The following DNAJB14 variants were observed in gnomAD, a reference collection of about 807,000 sequenced individuals.
The protein encoded by DNAJB14 is DnaJ heat shock protein family (Hsp40) member B14, also known as dnaJ homolog subfamily B member 14.
DNAJB14 carries 22 observed loss-of-function variants against 48.4 expected under a neutral mutation model. The ratio of observed to expected loss-of-function variants is 0.45; its 90% CI spans 0.32 to 0.65. The LOEUF is 0.65. Among genes scored for constraint, DNAJB14 ranks in the 30% least tolerant of loss-of-function variants. The pLI, the probability that DNAJB14 is intolerant of heterozygous loss-of-function variation, is 0.03. For synonymous variants in DNAJB14, 142 were observed against 158.7 expected, an observed-to-expected ratio of 0.89 and a Z score of 0.79; for missense variants, 319 against 458.8, an observed-to-expected ratio of 0.70 and a Z score of 2.78.
chr4:99,930,147 C>T (rs1726410192), intron 2 of DNAJB14: 1 of 198,030 alleles, frequency 5.0e-6, no homozygotes, highest in South Asian at 1.9e-4. Flanking sequence ...AACAATTCTT[C>T]ATCCTCTTTT....
chr4:99,896,677 T>G lies in DNAJB14; in HGVS notation c.*4351A>C, dbSNP rs1725154205. The G allele has an allele frequency of 6.6e-6, 1 of 152,220 alleles. No individual in the cohort carries two copies. Among genetic ancestry groups the G allele is most frequent in the Non-Finnish European group, 1.5e-5 (1 of 68,000 alleles). The allele number at this position is 152,220 out of a possible 1,614,324, so 9.4% of individuals were successfully genotyped here. On this transcript the variant is annotated 3_prime_UTR_variant, in exon 8 of 8. Coordinates refer to ENST00000442697, the MANE Select transcript of DNAJB14 (RefSeq NM_001031723.4). ...AAATATCATTTATGTGTGTTTCTTCTCATTGGTTTAATCATCCTATTAAAA... is the reference window on the plus strand; with the variant it reads ...AAATATCATTTATGTGTGTTTCTTCGCATTGGTTTAATCATCCTATTAAAA...
At position 99,903,871 on chromosome 4, in the gene DNAJB14, T is replaced by C. The variant is rs1725379352; in HGVS notation, c.870A>G (p.Gln290=). 1 of 1,612,368 alleles carries C rather than the reference T, an allele frequency of 6.2e-7. No individual in the cohort carries two copies. Among genetic ancestry groups the C allele is most frequent in the Non-Finnish European group, 8.5e-7 (1 of 1,179,218 alleles). The change falls in exon 7 of 8, where the codon CAA becomes CAG. Residue 290 remains glutamine (Q), a synonymous_variant. Transcript: ENST00000442697. ...AATAAACAACACCCAAGTTTTCTGT[T>C]TGCATTTTAATAGTTTGCCCAGTTC... ...RSGTGQTIKM[Q]TENLGVVYYV...
intron 1 of DNAJB14, among the ~76,000 whole-genome samples, chr4:99,937,275 C>G (rs1294454506): frequency 6.6e-6 from 1 of 151,922 alleles, no homozygotes; most frequent in Non-Finnish European, 1.5e-5. Flanking sequence ...CGAGATCGCG[C>G]CATACACTCC....
intron 1 of DNAJB14, among the ~76,000 whole-genome samples, chr4:99,938,569 T>G (rs1726774369): frequency 6.6e-6 from 1 of 151,560 alleles, no homozygotes. Flanking sequence ...TGTGTGTGTG[T>G]AGAAAGAGAA....
At chr4:99,904,685 A>G (rs1366080220) in intron 6 of DNAJB14, among the ~76,000 whole-genome samples, 9 of 152,254 alleles carry the variant, frequency 5.9e-5, no homozygotes, top group African/African-American at 2.2e-4. Context: ...CACATTGCCT[A>G]AAACCATGAT....
intron 1 of DNAJB14, among the ~76,000 whole-genome samples, chr4:99,938,341 T>C (rs566131978): frequency 4.1e-5 from 6 of 144,670 alleles, no homozygotes; most frequent in South Asian, 4.4e-4. Context: ...TGTGGACATG[T>C]GCTTTTTTTT....
intron 4 of DNAJB14, among the ~76,000 whole-genome samples, chr4:99,907,104 T>G (rs932459990): frequency 6.6e-6 from 1 of 152,192 alleles, no homozygotes; most frequent in Non-Finnish European, 1.5e-5. Flanking sequence ...TCAAGTTGTT[T>G]TCATATAAGA....
intron 1 of DNAJB14, among the ~76,000 whole-genome samples, chr4:99,944,928 C>T (rs1224357700): frequency 6.6e-6 from 1 of 152,110 alleles, no homozygotes; most frequent in Non-Finnish European, 1.5e-5. Context: ...ATAAATGAAA[C>T]TTGGGAACAT....
chr4:99,903,717 C>A lies in DNAJB14; in HGVS notation c.1015+9G>T. The A allele has an allele frequency of 6.2e-7, 1 of 1,603,528 alleles. No individual in the cohort carries two copies. The highest frequency in any genetic ancestry group is 2.2e-5 in the East Asian group (1 of 44,702). The stretch of plus-strand genomic sequence containing the variant: ...AAGTTTTAAAATGTTAAACACATGA[C>A]AAACTTACTTTGTTGTCTTTCTTTC... On this transcript the variant is annotated intron_variant, in intron 7 of 7. Transcript: ENST00000442697.
rs1164256327 is a variant in DNAJB14 at position 99,900,100 on chromosome 4, A to C, written c.*928T>G. Reference sequence around the variant, plus strand: ...TTTTCTTATTACTTATTTGTAAAGGAACTTCTTTGGATCCTGCTTAAATGA... The same window carrying C: ...TTTTCTTATTACTTATTTGTAAAGGCACTTCTTTGGATCCTGCTTAAATGA... On this transcript the variant is annotated 3_prime_UTR_variant, in exon 8 of 8. Transcript: ENST00000442697. 6.6e-6 allele frequency: 1 copy of C among 152,386 alleles called. No individual in the cohort carries two copies. The highest frequency in any genetic ancestry group is 2.4e-5 in the African/African-American group (1 of 41,436). 9.4% of individuals were successfully genotyped at this position (152,386 alleles called of 1,614,324 possible).
At chr4:99,928,827 T>C (rs1424002739) in intron 2 of DNAJB14, 1 of 154,690 alleles carries the variant, frequency 6.5e-6, no homozygotes, top group East Asian at 1.9e-4. Context: ...TTAAATCCTA[T>C]AAGCAAATAC....
At chr4:99,916,700 A>T (rs887301074) in intron 3 of DNAJB14, among the ~76,000 whole-genome samples, 2 of 152,174 alleles carry the variant, frequency 1.3e-5, no homozygotes, top group South Asian at 2.1e-4. Context: ...TGCTCTAGGT[A>T]TTATATATAC....
At chr4:99,922,881 T>C (rs1726111316) in intron 3 of DNAJB14, 159 bp downstream of exon 3, 1 of 753,712 alleles carries the variant, frequency 1.3e-6, no homozygotes, top group Non-Finnish European at 2.0e-6. Flanking sequence ...TGCCTTCGGG[T>C]ATAACCAGTT....
intron 6 of DNAJB14, among the ~76,000 whole-genome samples, chr4:99,904,583 T>C (rs950426970): frequency 1.3e-5 from 2 of 152,106 alleles, no homozygotes; most frequent in African/African-American, 4.8e-5. Flanking sequence ...TTACAAAATC[T>C]GAAAAAATCC....
At chr4:99,901,745 C>G (rs1472005856) in intron 7 of DNAJB14, among the ~76,000 whole-genome samples, 1 of 152,128 alleles carries the variant, frequency 6.6e-6, no homozygotes, top group Admixed American at 6.6e-5. Flanking sequence ...TAATGATATA[C>G]AGACTACAAA....
intron 1 of DNAJB14, among the ~76,000 whole-genome samples, chr4:99,933,526 G>A (rs1212590618): frequency 6.6e-6 from 1 of 151,804 alleles, no homozygotes; most frequent in Non-Finnish European, 1.5e-5. Context: ...TCAAACTCCT[G>A]ACTTCAAGTG....
rs1275492296 is a variant in DNAJB14 at position 99,896,596 on chromosome 4, C to A, written c.*4432G>T. 1 of 152,116 alleles carries A rather than the reference C, an allele frequency of 6.6e-6. No homozygotes were observed. Among genetic ancestry groups the A allele is most frequent in the African/African-American group, 2.4e-5 (1 of 41,428 alleles). 9.4% of individuals were successfully genotyped at this position (152,116 alleles called of 1,614,324 possible). On this transcript the variant is annotated 3_prime_UTR_variant, in exon 8 of 8. Coordinates refer to ENST00000442697, the MANE Select transcript of DNAJB14 (RefSeq NM_001031723.4). ...TGGAAAGAAAGTCTTATGTAGCAAT[C>A]CAAAAACTAAAACTAGAAATTGGCA... is the stretch of plus-strand genomic sequence containing the variant.
chr4:99,923,198 G>A lies in DNAJB14; in HGVS notation c.306-13C>T, dbSNP rs376649003. On this transcript the variant is annotated splice_polypyrimidine_tract_variant and intron_variant, in intron 2 of 7. Coordinates refer to ENST00000442697, the MANE Select transcript of DNAJB14 (RefSeq NM_001031723.4). ...ACATTTGTTTATGCTGTGAACAAGA[G>A]AGTGTGTTATAATGTAAATTTCAAG... The A allele has an allele frequency of 3.2e-5, 51 of 1,601,122 alleles. No homozygotes were observed. Among genetic ancestry groups the A allele is most frequent in the Non-Finnish European group, 4.2e-5 (49 of 1,174,292 alleles).
chr4:99,907,258 A>G (rs1178538530), intron 4 of DNAJB14, among the ~76,000 whole-genome samples: 1 of 152,198 alleles, frequency 6.6e-6, no homozygotes, highest in Non-Finnish European at 1.5e-5. Context: ...TACTAGTTTT[A>G]ATAATTTTTC....
Sources: allele counts gnomAD v4.1 joint callset (sites outside exome capture counted in the v4.1 genomes callset), GRCh38; gene constraint gnomAD v4.1.1; transcripts MANE v1.5; gene names NCBI Gene and HGNC (gene_info 2026-07-23, HGNC 2026-07-21).